DAB1: variants seen among roughly 807,000 people sequenced by gnomAD.
DAB1 encodes DAB adaptor protein 1, also known as disabled homolog 1.
A neutral mutation model predicts 64.6 loss-of-function variants in DAB1; 15 were observed. That is an observed-to-expected ratio of 0.23 (90% CI 0.16 to 0.36). DAB1 has a LOEUF of 0.36. DAB1 is among the 10% of genes least tolerant of loss of function. The pLI, the probability that DAB1 is intolerant of heterozygous loss-of-function variation, is 1.00. For missense variants in DAB1, 596 were observed against 706.7 expected (o/e 0.84, Z 1.78); for synonymous variants, 235 against 251.9 (o/e 0.93, Z 0.64).
At chr1:57,667,429 A>AT (rs769852794) in intron 6 of DAB1, among the ~76,000 whole-genome samples, 1 of 151,954 alleles carries the variant, frequency 6.6e-6, no homozygotes, top group African/African-American at 2.4e-5. Flanking sequence ...TATCTGACAT[A>AT]TTTTTTAGTT....
At chr1:57,496,965 C>T (rs2101299741) in intron 7 of DAB1, among the ~76,000 whole-genome samples, 1 of 152,354 alleles carries the variant, frequency 6.6e-6, no homozygotes, top group South Asian at 2.1e-4. Flanking sequence ...ACTGGCACGA[C>T]TTTCCTGTCA....
intron 3 of DAB1, among the ~76,000 whole-genome samples, chr1:58,460,360 G>A (rs1645231830): frequency 6.6e-6 from 1 of 152,198 alleles, no homozygotes; most frequent in Non-Finnish European, 1.5e-5. Context: ...AATAGGATAT[G>A]ACACTCAGTA....
chr1:58,229,811 C>T (rs548715374), intron 4 of DAB1, among the ~76,000 whole-genome samples: 6 of 152,242 alleles, frequency 3.9e-5, no homozygotes, highest in Non-Finnish European at 7.4e-5. Flanking sequence ...GGAAGCAGTA[C>T]GACTAAAAAT....
At chr1:57,232,372 A>G (rs1011174279) in intron 2 of DAB1, among the ~76,000 whole-genome samples, 1 of 143,774 alleles carries the variant, frequency 7.0e-6, no homozygotes, top group Non-Finnish European at 1.5e-5. Context: ...TATTAGCTTC[A>G]TAGATATTCA....
chr1:58,370,647 C>T (rs1364038949), intron 3 of DAB1, among the ~76,000 whole-genome samples: 1 of 152,146 alleles, frequency 6.6e-6, no homozygotes, highest in Non-Finnish European at 1.5e-5. Flanking sequence ...AATCTCATGT[C>T]AAATTGTAAT....
Position 58,109,516 on chromosome 1 carries a change from C to T in DAB1, n.387+40995G>A, listed in dbSNP as rs866521001. Reference sequence around the variant, plus strand: ...GTGAGGAGAACTAATGGATCAACTCCGTAAGCCTGTCAGCAGAATGACTTT... The same window carrying T: ...GTGAGGAGAACTAATGGATCAACTCTGTAAGCCTGTCAGCAGAATGACTTT... On this transcript the variant is annotated intron_variant and non_coding_transcript_variant, in intron 5 of 20. Coordinates refer to the DAB1 transcript ENST00000485760. 3.2e-4 allele frequency among the ~76,000 whole-genome samples: 49 copies of T among 152,186 alleles called. 1 individual carries two copies. The highest frequency in any genetic ancestry group is 2.2e-3 in the Admixed American group (34 of 15,270).
At chr1:57,478,852 G>A (rs1643974660) in intron 7 of DAB1, among the ~76,000 whole-genome samples, 4 of 151,290 alleles carry the variant, frequency 2.6e-5, no homozygotes, top group South Asian at 2.1e-4. Context: ...CACCGACCTC[G>A]GACTCCCAAA....
At chr1:57,504,308 G>A (rs1644320687) in intron 7 of DAB1, among the ~76,000 whole-genome samples, 1 of 152,108 alleles carries the variant, frequency 6.6e-6, no homozygotes, top group African/African-American at 2.4e-5. Context: ...CAATACACAA[G>A]ATAAGCCTGG....
chr1:58,130,621 C>G (rs1322568384), intron 5 of DAB1, among the ~76,000 whole-genome samples: 1 of 151,984 alleles, frequency 6.6e-6, no homozygotes, highest in East Asian at 1.9e-4. Context: ...ATATTTAGTC[C>G]TTCCTTCAGG....
At position 57,548,854 on chromosome 1, in the gene DAB1, G is replaced by A. The variant is rs187042406; in HGVS notation, n.625+100738C>T. 3.7e-4 allele frequency among the ~76,000 whole-genome samples: 57 copies of A among 152,250 alleles called. No individual in the cohort carries two copies. In the East Asian group the frequency reaches 0.011, roughly 29 times the overall value. Reference sequence around the variant, plus strand: ...TAACATTAACAGACATCTTTACTATGTGCTGAGCTCTATTCTAAGACCCTC... The same window carrying A: ...TAACATTAACAGACATCTTTACTATATGCTGAGCTCTATTCTAAGACCCTC... On this transcript the variant is annotated intron_variant and non_coding_transcript_variant, in intron 7 of 20. Transcript: ENST00000485760.
At chr1:57,371,785 G>A (rs1413703771) in intron 1 of DAB1, among the ~76,000 whole-genome samples, 1 of 152,216 alleles carries the variant, frequency 6.6e-6, no homozygotes, top group Non-Finnish European at 1.5e-5. Context: ...CTTTAAGGCA[G>A]TGATTCTCAA....
intron 1 of DAB1, among the ~76,000 whole-genome samples, chr1:57,397,605 C>A (rs1682917772): frequency 1.3e-5 from 2 of 152,162 alleles, no homozygotes; most frequent in Admixed American, 1.3e-4. Flanking sequence ...GTATGGGAGG[C>A]AGATGTGTCC....
chr1:57,117,355 C>T (rs181175800), intron 4 of DAB1, among the ~76,000 whole-genome samples: 10 of 152,270 alleles, frequency 6.6e-5, no homozygotes, highest in Middle Eastern at 3.4e-3. Flanking sequence ...ACATTGGAGC[C>T]GCATAACTAC....
chr1:57,079,940 G>A (rs986263840), intron 4 of DAB1, among the ~76,000 whole-genome samples: 1 of 152,236 alleles, frequency 6.6e-6, no homozygotes, highest in South Asian at 2.1e-4. Flanking sequence ...GAATTGATCA[G>A]TGTCTGCCTC....
At chr1:57,710,819 T>C (rs1450644602) in intron 6 of DAB1, among the ~76,000 whole-genome samples, 1 of 152,156 alleles carries the variant, frequency 6.6e-6, no homozygotes, top group Non-Finnish European at 1.5e-5. Context: ...GACAAAGTTG[T>C]TACTCAACTC....
At chr1:57,460,187 C>T (rs1428951594) in intron 7 of DAB1, among the ~76,000 whole-genome samples, 1 of 152,212 alleles carries the variant, frequency 6.6e-6, no homozygotes. Context: ...GGATGTAGCT[C>T]ATTCAGGGCA....
At chr1:57,196,694 T>A (rs772131529) in intron 2 of DAB1, among the ~76,000 whole-genome samples, 2 of 152,224 alleles carry the variant, frequency 1.3e-5, no homozygotes, top group African/African-American at 4.8e-5. Context: ...CACAGCAAAG[T>A]CAATTGTTAA....
chr1:58,258,303 C>T (rs746992703), intron 4 of DAB1, among the ~76,000 whole-genome samples: 1 of 152,154 alleles, frequency 6.6e-6, no homozygotes, highest in Non-Finnish European at 1.5e-5. Flanking sequence ...CTCAGTTGTT[C>T]GGTCCAATCT....
At chr1:58,296,411 A>G (rs955452461) in intron 4 of DAB1, among the ~76,000 whole-genome samples, 2 of 152,178 alleles carry the variant, frequency 1.3e-5, no homozygotes, top group East Asian at 1.9e-4. Flanking sequence ...GCGCAGAAAC[A>G]TCAAACATCA....
Sources: gnomAD v4.1 joint callset for allele counts (sites outside exome capture counted in the v4.1 genomes callset) on GRCh38, gnomAD v4.1.1 for gene constraint, MANE v1.5 for transcripts, NCBI Gene and HGNC (gene_info 2026-07-23, HGNC 2026-07-21) for gene names.